MACROD2: variants seen among roughly 807,000 people sequenced by gnomAD.
The protein encoded by MACROD2 is ADP-ribose glycohydrolase MACROD2.
Under a neutral mutation model 70.4 loss-of-function variants are expected in MACROD2, and 36 were observed. That is an observed-to-expected ratio of 0.51 (90% CI 0.39 to 0.68). The LOEUF (loss-of-function observed/expected upper bound fraction) is 0.68, where lower values mean the gene tolerates loss of function less well. Among genes scored for constraint, MACROD2 ranks in the 30% least tolerant of loss-of-function variants. MACROD2 has a pLI of 0.00. For synonymous variants in MACROD2, 172 were observed against 178.8 expected (o/e 0.96, Z 0.30); for missense variants, 496 against 538.4 (o/e 0.92, Z 0.78).
At chr20:14,018,875 ACTAG>A (rs1405329491) in intron 2 of MACROD2, among the ~76,000 whole-genome samples, 1 of 152,196 alleles carries the variant, frequency 6.6e-6, no homozygotes, top group Non-Finnish European at 1.5e-5. Context: ...TGCAAGGTTG[ACTAG>A]CAAGGAGAGA....
At chr20:14,195,668 A>G (rs532081078) in intron 3 of MACROD2, among the ~76,000 whole-genome samples, 2 of 152,092 alleles carry the variant, frequency 1.3e-5, no homozygotes, top group East Asian at 3.9e-4. Flanking sequence ...GGACATTGAG[A>G]GGACATTGAG....
chr20:14,340,668 G>T (rs1019367294), intron 3 of MACROD2, among the ~76,000 whole-genome samples: 1 of 152,094 alleles, frequency 6.6e-6, no homozygotes. Flanking sequence ...GATATTTTGG[G>T]TTGAAAAGAT....
At chr20:14,983,499 A>G (rs1486206063) in intron 5 of MACROD2, among the ~76,000 whole-genome samples, 1 of 152,086 alleles carries the variant, frequency 6.6e-6, no homozygotes, top group Non-Finnish European at 1.5e-5. Context: ...AGGTAATTGA[A>G]TCATGGGGGC....
intron 5 of MACROD2, among the ~76,000 whole-genome samples, chr20:15,155,142 C>A (rs2076298046): frequency 6.6e-6 from 1 of 152,080 alleles, no homozygotes; most frequent in African/African-American, 2.4e-5. Context: ...AAAATGGTAA[C>A]TGTTGCTAGT....
In MACROD2 at chr20:15,722,746, A is replaced by T. The variant is rs201272024; in HGVS notation, c.646-139999A>T. ...TTTATAATTTTAATAAAATTGACAT[A>T]ATCCATCTTTCTCTTATTCTGTACT... On this transcript the variant is annotated intron_variant, in intron 8 of 17. Transcript: ENST00000684519. Among the ~76,000 whole-genome samples the T allele has an allele frequency of 2.0e-5, 3 of 152,172 alleles. No individual in the cohort carries two copies. In the East Asian group the frequency reaches 5.8e-4, roughly 29 times the overall value.
chr20:16,010,765 C>T (rs1036679945), intron 15 of MACROD2, among the ~76,000 whole-genome samples: 2 of 152,194 alleles, frequency 1.3e-5, no homozygotes, highest in African/African-American at 4.8e-5. Context: ...CTGGCAATCA[C>T]TTTGTACCAA....
At chr20:15,269,982 G>C (rs1384229651) in intron 6 of MACROD2, among the ~76,000 whole-genome samples, 2 of 152,040 alleles carry the variant, frequency 1.3e-5, no homozygotes, top group African/African-American at 2.4e-5. Context: ...CAAGACTCTA[G>C]AAGACTTAAA....
intron 3 of MACROD2, among the ~76,000 whole-genome samples, chr20:14,219,382 A>AT (rs574278901): frequency 9.5e-5 from 14 of 146,932 alleles, no homozygotes; most frequent in South Asian, 2.2e-4. Flanking sequence ...AGTTTCCTGA[A>AT]TTTTTTTTTT....
At chr20:15,650,334 C>T (rs894437209) in intron 8 of MACROD2, among the ~76,000 whole-genome samples, 10 of 152,202 alleles carry the variant, frequency 6.6e-5, no homozygotes, top group African/African-American at 2.4e-4. Flanking sequence ...TGGAGCAGGA[C>T]ACCCCTCTGC....
intron 3 of MACROD2, among the ~76,000 whole-genome samples, chr20:14,159,469 TA>T (rs932781693): frequency 4.6e-5 from 7 of 152,196 alleles, no homozygotes; most frequent in African/African-American, 1.4e-4. Context: ...TATTCTTAGG[TA>T]TTTTTTTGTG....
intron 4 of MACROD2, among the ~76,000 whole-genome samples, chr20:14,664,626 C>G (rs966195310): frequency 6.6e-6 from 1 of 152,044 alleles, no homozygotes; most frequent in Non-Finnish European, 1.5e-5. Context: ...CTCTCAACCT[C>G]TTTTATTCCC....
chr20:14,264,387 G>A (rs1354082442), intron 3 of MACROD2, among the ~76,000 whole-genome samples: 2 of 152,146 alleles, frequency 1.3e-5, no homozygotes, highest in African/African-American at 4.8e-5. Context: ...ACATAAGCAG[G>A]GGTGATTTCT....
intron 7 of MACROD2, among the ~76,000 whole-genome samples, chr20:15,470,999 C>T (rs556976430): frequency 5.3e-5 from 8 of 152,144 alleles, no homozygotes; most frequent in South Asian, 2.1e-4. Context: ...AAGTTTTTTC[C>T]GCCTCCTTCA....
chr20:15,466,671 C>T (rs1236950961), intron 7 of MACROD2, among the ~76,000 whole-genome samples: 1 of 152,148 alleles, frequency 6.6e-6, no homozygotes, highest in Non-Finnish European at 1.5e-5. Flanking sequence ...ACCTTTAAAA[C>T]AAGGGCTTGG....
chr20:14,059,815 C>G (rs530255891), intron 2 of MACROD2, among the ~76,000 whole-genome samples: 1 of 152,194 alleles, frequency 6.6e-6, no homozygotes, highest in African/African-American at 2.4e-5. Flanking sequence ...GTGATAAGTG[C>G]TATAAAGAAG....
chr20:15,555,844 AAAAAAAAAAAG>A (rs1346834058), intron 8 of MACROD2, among the ~76,000 whole-genome samples: 2 of 147,498 alleles, frequency 1.4e-5, no homozygotes, highest in South Asian at 2.1e-4. Context: ...AAAAAAAAAA[AAAAAAAAAAAG>A]GAAAAGAAAA....
In MACROD2 at chr20:14,498,243, A is replaced by G. The variant is rs547438388; in HGVS notation, c.301+4735A>G. 6.6e-5 allele frequency among the ~76,000 whole-genome samples: 10 copies of G among 152,112 alleles called. No individual in the cohort carries two copies. In the East Asian group the frequency reaches 7.7e-4, roughly 12 times the overall value. ...AAATCTCAGCCTTTGCCATTACACA[A>G]TTCATCCATGTAACCATAAAACACT... On this transcript the variant is annotated intron_variant, in intron 4 of 17. Transcript: ENST00000684519.
chr20:14,690,681 G>T (rs934129474), intron 5 of MACROD2, among the ~76,000 whole-genome samples: 4 of 152,148 alleles, frequency 2.6e-5, no homozygotes, highest in African/African-American at 9.7e-5. Flanking sequence ...CCCTGAGCTG[G>T]GAAAGGAGTC....
intron 10 of MACROD2, among the ~76,000 whole-genome samples, chr20:15,902,997 A>T (rs537734376): frequency 6.6e-6 from 1 of 152,302 alleles, no homozygotes; most frequent in Non-Finnish European, 1.5e-5. Context: ...CTCTCTGATT[A>T]TTAAGTTTCT....
Sources: gnomAD v4.1 joint callset for allele counts (sites outside exome capture counted in the v4.1 genomes callset) on GRCh38, gnomAD v4.1.1 for gene constraint, MANE v1.5 for transcripts, NCBI Gene and HGNC (gene_info 2026-07-23, HGNC 2026-07-21) for gene names.